Variants in TAF15 observed in about 807,000 individuals in gnomAD.
The protein encoded by TAF15 is TATA-box binding protein associated factor 15.
A neutral mutation model predicts 102.5 loss-of-function variants in TAF15; 37 were observed. The observed-to-expected ratio is 0.36, with a 90% CI of 0.28 to 0.47. The LOEUF is 0.47. Among genes scored for constraint, TAF15 ranks in the 20% least tolerant of loss-of-function variants. TAF15 has a pLI of 0.99. For missense variants in TAF15, 652 were observed against 760.7 expected (o/e 0.86, Z 1.68); for synonymous variants, 273 against 259.2 (o/e 1.05, Z -0.51).
chr17:35,820,174 G>C lies in TAF15; in HGVS notation c.110G>C (p.Gly37Ala). The stretch of plus-strand genomic sequence containing the variant: ...TTACCTAAATTTCAGAGCTATTCTG[G>C]CTATGGGCAAACGACTGATTCCTCT... ...GYGQASQSYS[G>A]YGQTTDSSYG... is the part of the protein sequence containing the mutation. The change falls in exon 4 of 16, where the codon GGC becomes GCC. Residue 37 changes from glycine (G) to alanine (A), a missense_variant. Around this residue, in one of 3 missense-constraint regions of TAF15, gnomAD observed 243 missense variants for 284.1 expected, o/e 0.86. Transcript: ENST00000605844. 3.1e-6 allele frequency: 5 copies of C among 1,614,074 alleles called. No individual in the cohort carries two copies. The highest frequency in any genetic ancestry group is 4.2e-6 in the Non-Finnish European group (5 of 1,179,944).
At chr17:35,815,127 G>A (rs1018428858) in intron 1 of TAF15, among the ~76,000 whole-genome samples, 1 of 152,112 alleles carries the variant, frequency 6.6e-6, no homozygotes, top group African/African-American at 2.4e-5. Context: ...TGCCAAGGGG[G>A]AAAAGCAAAA....
At chr17:35,815,202 A>G (rs2087181052) in intron 1 of TAF15, among the ~76,000 whole-genome samples, 2 of 152,200 alleles carry the variant, frequency 1.3e-5, no homozygotes, top group African/African-American at 4.8e-5. Context: ...GAATATTAGG[A>G]AAAAACACAA....
intron 10 of TAF15, among the ~76,000 whole-genome samples, chr17:35,836,761 G>A (rs192714715): frequency 6.6e-6 from 1 of 151,364 alleles, no homozygotes; most frequent in East Asian, 1.9e-4. Flanking sequence ...ATCTGCCCTT[G>A]TTTTGGTGTC....
intron 10 of TAF15, among the ~76,000 whole-genome samples, chr17:35,838,217 C>T (rs2087499478): frequency 6.6e-6 from 1 of 152,046 alleles, no homozygotes; most frequent in Non-Finnish European, 1.5e-5. Context: ...AAACAGTATA[C>T]TATATCATTT....
At chr17:35,842,577 C>T (rs773280717) in intron 12 of TAF15, 118 bp downstream of exon 12, 2 of 788,420 alleles carry the variant, frequency 2.5e-6, no homozygotes, top group Non-Finnish European at 2.2e-6. Context: ...GTCTTTTTCC[C>T]TCTATCTTAA....
At chr17:35,829,966 C>T (rs2087382203) in intron 7 of TAF15, 1 of 151,964 alleles carries the variant, frequency 6.6e-6, no homozygotes. Context: ...ATGGTGAAAC[C>T]CCGTCTCTAC....
chr17:35,814,033 C>T (rs773321704), intron 1 of TAF15, among the ~76,000 whole-genome samples: 8 of 151,118 alleles, frequency 5.3e-5, no homozygotes, highest in South Asian at 2.1e-4. Flanking sequence ...TTAAGAGTAG[C>T]GGGGACTGAC....
intron 1 of TAF15, chr17:35,817,194 A>G (rs563411191): frequency 6.5e-6 from 1 of 152,894 alleles, no homozygotes; most frequent in East Asian, 1.9e-4. Flanking sequence ...AGCTTGGTAA[A>G]ATCAGAATAG....
At position 35,825,310 on chromosome 17, in the gene TAF15, G is replaced by C. The variant is rs1360290323; in HGVS notation, c.605+1112G>C. Among the ~76,000 whole-genome samples, 3 of 152,190 alleles carry C rather than the reference G, an allele frequency of 2.0e-5. No individual in the cohort carries two copies. In the East Asian group the frequency reaches 5.8e-4, roughly 29 times the overall value. The stretch of plus-strand genomic sequence containing the variant: ...TTAAGTCTGTTGATAGCCAAAGTCA[G>C]TTTACCAAAGTAAAACAAATAAATT... On this transcript the variant is annotated intron_variant, in intron 7 of 15. Transcript: ENST00000605844.
rs528579471 is a variant in TAF15 at position 35,843,733 on chromosome 17, G to A, written c.1007-344G>A. On this transcript the variant is annotated intron_variant, in intron 12 of 15. Transcript: ENST00000605844. The stretch of plus-strand genomic sequence containing the variant: ...TGGATTTGGGCTGCTCAACTCGCAA[G>A]TATAAGGCAAATATTTCAAAATCTG... 6.6e-5 allele frequency among the ~76,000 whole-genome samples: 10 copies of A among 152,308 alleles called. No homozygotes were observed. In the South Asian group the frequency reaches 1.5e-3, roughly 22 times the overall value.
At chr17:35,832,663 A>G (rs1266754939) in intron 7 of TAF15, among the ~76,000 whole-genome samples, 1 of 152,202 alleles carries the variant, frequency 6.6e-6, no homozygotes, top group Non-Finnish European at 1.5e-5. Context: ...CATTAGTAGT[A>G]GAACATCTGG....
intron 7 of TAF15, among the ~76,000 whole-genome samples, chr17:35,831,305 G>C (rs1197680264): frequency 6.6e-6 from 1 of 151,904 alleles, no homozygotes; most frequent in Non-Finnish European, 1.5e-5. Context: ...TACTCGGGAG[G>C]CTGAGGCAGG....
intron 1 of TAF15, among the ~76,000 whole-genome samples, chr17:35,814,016 G>GT (rs1305725835): frequency 2.5e-4 from 37 of 150,226 alleles, no homozygotes; most frequent in African/African-American, 7.6e-4. Context: ...TGTTGTTTTT[G>GT]TTTTTTTTAA....
chr17:35,836,090 C>G (rs374461126), intron 9 of TAF15, 42 bp from the exon 10 acceptor site: 20 of 1,336,720 alleles, frequency 1.5e-5, no homozygotes, highest in South Asian at 2.4e-5. Flanking sequence ...AATGTCATAA[C>G]CAAGGAATAT....
At position 35,834,604 on chromosome 17, in the gene TAF15, G is replaced by A; in HGVS notation, c.673+6G>A. ...TGGACCCAGAACAGATGCTGGTAAG[G>A]TTTATGGTGGTTTGTCACTTTGCCA... On this transcript the variant is annotated splice_donor_region_variant and intron_variant, in intron 9 of 15. Transcript: ENST00000605844. The A allele has an allele frequency of 1.9e-6, 3 of 1,611,648 alleles. No individual in the cohort carries two copies. The highest frequency in any genetic ancestry group is 1.7e-6 in the Non-Finnish European group (2 of 1,179,258).
chr17:35,824,219 G>A lies in TAF15; in HGVS notation c.605+21G>A, dbSNP rs751089253. ...TCAAGGTAAGTATGTAGATAAAGATGCGTACATTTCTTCTTCTTCCTCTTT... is the reference window on the plus strand; with the variant it reads ...TCAAGGTAAGTATGTAGATAAAGATACGTACATTTCTTCTTCTTCCTCTTT... On this transcript the variant is annotated intron_variant, in intron 7 of 15. Transcript: ENST00000605844. The A allele has an allele frequency of 2.5e-6, 4 of 1,611,358 alleles. No homozygotes were observed. In the South Asian group the frequency reaches 3.3e-5, roughly 13 times the overall value.
At position 35,820,087 on chromosome 17, in the gene TAF15, T is replaced by C. The variant is rs1284399736; in HGVS notation, c.99+12T>C. The stretch of plus-strand genomic sequence containing the variant: ...GACAAGCATCACAAGTAGGTTGAAA[T>C]ATAAATTGTATTCTTCATAAGTAGT... On this transcript the variant is annotated intron_variant, in intron 3 of 15. Coordinates refer to ENST00000605844, the MANE Select transcript of TAF15 (RefSeq NM_139215.3). 1.2e-6 allele frequency: 2 copies of C among 1,614,022 alleles called. No individual in the cohort carries two copies. Among genetic ancestry groups the C allele is most frequent in the Non-Finnish European group, 1.7e-6 (2 of 1,179,894 alleles).
At chr17:35,826,482 TA>T (rs1432817668) in intron 7 of TAF15, among the ~76,000 whole-genome samples, 3 of 152,200 alleles carry the variant, frequency 2.0e-5, no homozygotes, top group East Asian at 3.9e-4. Context: ...CAGCCGTAAT[TA>T]ATATGTAAAT....
chr17:35,843,385 A>G (rs1284327405), intron 12 of TAF15, among the ~76,000 whole-genome samples: 4 of 152,180 alleles, frequency 2.6e-5, no homozygotes, highest in Non-Finnish European at 4.4e-5. Context: ...TGGCCTCCCA[A>G]AGTGCTTGGA....
Sources: gnomAD v4.1 joint callset for allele counts (sites outside exome capture counted in the v4.1 genomes callset) on GRCh38, gnomAD v4.1.1 for gene constraint, gnomAD v4.1.1 regional missense constraint, MANE v1.5 for transcripts, NCBI Gene and HGNC (gene_info 2026-07-23, HGNC 2026-07-21) for gene names.